RBPJL: variants seen among roughly 807,000 people sequenced by gnomAD.
RBPJL encodes recombination signal binding protein for immunoglobulin kappa J region like, also known as recombining binding protein suppressor of hairless-like protein.
In RBPJL, 50 loss-of-function variants were observed where a neutral mutation model predicts 57.6. The ratio of observed to expected loss-of-function variants is 0.87; its 90% CI spans 0.69 to 1.10. The LOEUF (loss-of-function observed/expected upper bound fraction) is 1.10. Among genes scored for constraint, RBPJL ranks in the 50% least tolerant of loss-of-function variants. The pLI, the probability that RBPJL is intolerant of heterozygous loss-of-function variation, is 0.00. For synonymous variants in RBPJL, 303 were observed against 294.4 expected (o/e 1.03, Z -0.30); for missense variants, 684 against 693.7 (o/e 0.99, Z 0.16).
At chr20:45,316,112 A>G in intron 9 of RBPJL, 75 bp from the exon 10 acceptor site, 1 of 1,482,024 alleles carries the variant, frequency 6.7e-7, no homozygotes, top group Non-Finnish European at 9.3e-7. Context: ...GCAGAAGCCC[A>G]CGCGCCATGC....
chr20:45,308,148 T>G lies in RBPJL; in HGVS notation c.28T>G (p.Ser10Ala). 1 of 1,612,622 alleles carries G rather than the reference T, an allele frequency of 6.2e-7. No individual in the cohort carries two copies. Among genetic ancestry groups the G allele is most frequent in the Non-Finnish European group, 8.5e-7 (1 of 1,178,690 alleles). The change falls in exon 2 of 12, where the codon TCA (serine) becomes GCA (alanine). Residue 10 changes from serine to alanine, a missense_variant. By Grantham distance (99) the Ser-to-Ala change is moderately conservative. Transcript: ENST00000343694. ...TGATGCCTACTCCCCTGCAGACCCCTCAGTGCCTCCCAATCCTTTGACTCA... is the reference window on the plus strand; with the variant it reads ...TGATGCCTACTCCCCTGCAGACCCCGCAGTGCCTCCCAATCCTTTGACTCA... MDPAGAADP[S>A]VPPNPLTHLS...
rs947267218 is a variant in RBPJL at position 45,311,646 on chromosome 20, A to C, written c.315A>C (p.Pro105=). ...CGGGGCCTGGCTGGAGGGTGAAGCC[A>C]GGGCAGGATCAAGGTGAGGGCGGAA... ...YLSGPGWRVK[P]GQDQAHQAGE... is the part of the protein sequence containing the mutation. The change falls in exon 4 of 12, where the codon CCA becomes CCC. Residue 105 remains proline, a synonymous_variant. Transcript: ENST00000343694. 2.5e-6 allele frequency: 4 copies of C among 1,613,948 alleles called. No individual in the cohort carries two copies. Among genetic ancestry groups the C allele is most frequent in the Non-Finnish European group, 2.5e-6 (3 of 1,180,016 alleles).
intron 10 of RBPJL, 64 bp from the exon 11 acceptor site, chr20:45,316,413 T>TG (rs1987468715): frequency 1.3e-6 from 2 of 1,587,148 alleles, no homozygotes; most frequent in Non-Finnish European, 1.7e-6. Context: ...TGCTAGTGAG[T>TG]GGGGGGCAGC....
intron 3 of RBPJL, among the ~76,000 whole-genome samples, chr20:45,310,555 C>T (rs1470676369): frequency 8.6e-5 from 13 of 151,488 alleles, no homozygotes; most frequent in Non-Finnish European, 1.6e-4. Context: ...TGCAGTGAGC[C>T]GAGATCATGC....
At chr20:45,314,270 G>A (rs1456963272) in intron 8 of RBPJL, 126 bp downstream of exon 8, 14 of 1,243,236 alleles carry the variant, frequency 1.1e-5, no homozygotes, top group African/African-American at 4.4e-5. Context: ...CCAGTGTCGC[G>A]TAGGACCAGA....
chr20:45,314,374 C>T (rs140933463), intron 8 of RBPJL, 39 bp from the exon 9 acceptor site: 3 of 1,596,486 alleles, frequency 1.9e-6, no homozygotes, highest in Non-Finnish European at 2.6e-6. Flanking sequence ...GACGCCCGGG[C>T]TCCTTGCCAC....
chr20:45,308,262 C>A lies in RBPJL; in HGVS notation c.131+11C>A. 1 of 1,569,306 alleles carries A rather than the reference C, an allele frequency of 6.4e-7. No homozygotes were observed. The highest frequency in any genetic ancestry group is 8.8e-7 in the Non-Finnish European group (1 of 1,139,524). On this transcript the variant is annotated intron_variant, in intron 2 of 11. Coordinates refer to ENST00000343694, the MANE Select transcript of RBPJL (RefSeq NM_014276.4). ...GGGCACTTGGACCAGGTAACGGCGG[C>A]GTGGCAGCGTGCCCTAGGTGGGGAC...
At position 45,309,608 on chromosome 20, in the gene RBPJL, G is replaced by A. The variant is rs201508000; in HGVS notation, c.173G>A (p.Arg58His). The A allele has an allele frequency of 3.4e-4, 548 of 1,613,264 alleles. 1 individual carries two copies. Among genetic ancestry groups the A allele is most frequent in the Middle Eastern group, 1.7e-4 (1 of 6,060 alleles). The change falls in exon 3 of 12, where the codon CGC (arginine) becomes CAC (histidine). Residue 58 changes from arginine to histidine, a missense_variant. By Grantham distance (29) the Arg-to-His change is conservative. Transcript: ENST00000343694. Reference sequence around the variant, plus strand: ...ACCACCATTCTGAGGGGAGGCGTGCGCAGGTGCCTGCAGCAACAGTGTGAA... The same window carrying A: ...ACCACCATTCTGAGGGGAGGCGTGCACAGGTGCCTGCAGCAACAGTGTGAA... ...EHTTILRGGV[R>H]RCLQQQCEQT...
In RBPJL at chr20:45,309,606, G is replaced by A; in HGVS notation, c.171G>A (p.Val57=). ...ACACCACCATTCTGAGGGGAGGCGT[G>A]CGCAGGTGCCTGCAGCAACAGTGTG... ...PEHTTILRGG[V]RRCLQQQCEQ... Residue 57 remains valine (V), a synonymous_variant, in exon 3 of 12, where the codon GTG becomes GTA. Transcript: ENST00000343694. The A allele has an allele frequency of 1.9e-6, 3 of 1,613,380 alleles. No homozygotes were observed. The highest frequency in any genetic ancestry group is 2.5e-6 in the Non-Finnish European group (3 of 1,179,650).
At position 45,314,518 on chromosome 20, in the gene RBPJL, G is replaced by A. The variant is rs762434114; in HGVS notation, c.973G>A (p.Gly325Ser). Reference sequence around the variant, plus strand: ...GTTTCCAGGCAGTCCCCCAGGAGGGGGTGGCACCTACTTATGCCTTGCCAC... The same window carrying A: ...GTTTCCAGGCAGTCCCCCAGGAGGGAGTGGCACCTACTTATGCCTTGCCAC... The part of the protein sequence containing the change: ...FQFPGSPPGG[G>S]GTYLCLATEK... The change falls in exon 9 of 12, where the codon GGT (glycine) becomes AGT (serine). Residue 325 changes from glycine to serine, a missense_variant. By Grantham distance (56) the Gly-to-Ser change is moderately conservative. Transcript: ENST00000343694. 1 of 1,614,170 alleles carries A rather than the reference G, an allele frequency of 6.2e-7. No homozygotes were observed. The highest frequency in any genetic ancestry group is 8.5e-7 in the Non-Finnish European group (1 of 1,180,018).
At position 45,314,092 on chromosome 20, in the gene RBPJL, G is replaced by A. The variant is rs1158252617; in HGVS notation, c.815G>A (p.Gly272Asp). ...FPPREGYVRY[G>D]SLVQLVCTVT... Reference sequence around the variant, plus strand: ...CCGCGAGAGGGCTACGTTCGCTATGGCTCCCTGGTGCAGCTCGTCTGCACG... The same window carrying A: ...CCGCGAGAGGGCTACGTTCGCTATGACTCCCTGGTGCAGCTCGTCTGCACG... Residue 272 changes from glycine (G) to aspartate (D), a missense_variant, in exon 8 of 12, where the codon GGC becomes GAC. Coordinates refer to ENST00000343694, the MANE Select transcript of RBPJL (RefSeq NM_014276.4). The A allele has an allele frequency of 8.1e-6, 13 of 1,614,226 alleles. No homozygotes were observed. The highest frequency in any genetic ancestry group is 1.0e-5 in the Non-Finnish European group (12 of 1,180,036).
rs771808208 is a variant in RBPJL at position 45,308,149 on chromosome 20, C to CA, written c.30dup (p.Val11SerfsTer56). The CA allele has an allele frequency of 6.2e-6, 10 of 1,612,584 alleles. No individual in the cohort carries two copies. The highest frequency in any genetic ancestry group is 1.6e-4 in the Middle Eastern group (1 of 6,074). ...GATGCCTACTCCCCTGCAGACCCCT[C>CA]AGTGCCTCCCAATCCTTTGACTCAC... On this transcript the variant is annotated frameshift_variant, in exon 2 of 12. Transcript: ENST00000343694. LOFTEE classifies it high-confidence loss of function.
Position 45,311,585 on chromosome 20 carries a change from G to A in RBPJL, c.258-4G>A. On this transcript the variant is annotated splice_polypyrimidine_tract_variant and splice_region_variant and intron_variant, in intron 3 of 11. Coordinates refer to ENST00000343694, the MANE Select transcript of RBPJL (RefSeq NM_014276.4). Reference sequence around the variant, plus strand: ...ACGACTCCAACACTCACTTATCTCCGCAGGTTCTTCTGCCCCCCGCCCTGT... The same window carrying A: ...ACGACTCCAACACTCACTTATCTCCACAGGTTCTTCTGCCCCCCGCCCTGT... The A allele has an allele frequency of 6.2e-7, 1 of 1,614,072 alleles. No individual in the cohort carries two copies. Among genetic ancestry groups the A allele is most frequent in the Non-Finnish European group, 8.5e-7 (1 of 1,179,956 alleles).
At chr20:45,311,784 C>T (rs1987184552) in intron 4 of RBPJL, 55 bp from the exon 5 acceptor site, 3 of 1,528,722 alleles carry the variant, frequency 2.0e-6, no homozygotes, top group South Asian at 2.4e-5. Context: ...GCTAAGCTTG[C>T]CTGGCACCTG....
Position 45,311,635 on chromosome 20 carries a change from AG to A in RBPJL, c.307del (p.Val103Ter). 1.2e-6 allele frequency: 2 copies of A among 1,613,968 alleles called. No homozygotes were observed. The highest frequency in any genetic ancestry group is 1.7e-6 in the Non-Finnish European group (2 of 1,179,982). ...PCVYLSGPGWRVKPGQDQAHQ... is the reference protein window; with the variant it reads ...PCVYLSGPGWXVKPGQDQAHQ... ...TGTCTACCTCTCGGGGCCTGGCTGG[AG>A]GGTGAAGCCAGGGCAGGATCAAGGT... On this transcript the variant is annotated frameshift_variant, in exon 4 of 12. Coordinates refer to ENST00000343694, the MANE Select transcript of RBPJL (RefSeq NM_014276.4). LOFTEE classifies it high-confidence loss of function.
intron 5 of RBPJL, 133 bp from the exon 6 acceptor site, chr20:45,312,088 C>A: frequency 6.7e-7 from 1 of 1,491,460 alleles, no homozygotes; most frequent in Non-Finnish European, 9.3e-7. Context: ...TGCCTTAAGG[C>A]CGAGCCTGAG....
In RBPJL at chr20:45,308,268, A is replaced by G. The variant is rs1219487599; in HGVS notation, c.131+17A>G. 1.3e-6 allele frequency: 2 copies of G among 1,548,158 alleles called. No individual in the cohort carries two copies. The highest frequency in any genetic ancestry group is 2.2e-5 in the East Asian group (1 of 44,526). ...TTGGACCAGGTAACGGCGGCGTGGC[A>G]GCGTGCCCTAGGTGGGGACTGCCAG... On this transcript the variant is annotated intron_variant, in intron 2 of 11. Transcript: ENST00000343694.
chr20:45,313,495 C>A lies in RBPJL; in HGVS notation c.647C>A (p.Ser216Tyr). 4 of 1,613,652 alleles carry A rather than the reference C, an allele frequency of 2.5e-6. No individual in the cohort carries two copies. The highest frequency in any genetic ancestry group is 3.4e-6 in the Non-Finnish European group (4 of 1,179,830). The change falls in exon 7 of 12, where the codon TCC becomes TAC. Residue 216 changes from serine to tyrosine, a missense_variant. Transcript: ENST00000343694. ...TGCATATCCTCCGGCTCAAAGGTCT[C>A]CCTCTTCAACCGCCTGCGCTCTCAG... is the stretch of plus-strand genomic sequence containing the variant. ...DLCISSGSKV[S>Y]LFNRLRSQTV...
At chr20:45,311,722 C>G (rs1374137889) in intron 4 of RBPJL, 63 bp downstream of exon 4, 48 of 1,586,554 alleles carry the variant, frequency 3.0e-5, no homozygotes, top group Middle Eastern at 1.8e-4. Context: ...AGATTGGGCC[C>G]GAGACGGGGC....
Sources: gnomAD v4.1 joint callset for allele counts (sites outside exome capture counted in the v4.1 genomes callset) on GRCh38, gnomAD v4.1.1 for gene constraint, MANE v1.5 for transcripts, NCBI Gene and HGNC (gene_info 2026-07-23, HGNC 2026-07-21) for gene names.